Variants in NFIX observed in about 807,000 individuals in gnomAD.
The protein encoded by NFIX is nuclear factor I X, also known as nuclear factor 1 X-type.
NFIX carries 2 observed loss-of-function variants against 53.3 expected under a neutral mutation model. The ratio of observed to expected loss-of-function variants is 0.04; its 90% CI spans 0.02 to 0.12. The LOEUF (loss-of-function observed/expected upper bound fraction) is 0.12. Ranked by LOEUF, NFIX falls within the 10% of genes least tolerant of loss-of-function variation. The pLI is 1.00. For synonymous variants in NFIX, 244 were observed against 289.0 expected (o/e 0.84, Z 1.58); for missense variants, 310 against 674.5 (o/e 0.46, Z 5.99).
At chr19:13,063,335 G>A (rs2016205107) in intron 2 of NFIX, among the ~76,000 whole-genome samples, 1 of 152,060 alleles carries the variant, frequency 6.6e-6, no homozygotes, top group African/African-American at 2.4e-5. Context: ...TTCAGGGGTG[G>A]GTGAGTAGGG....
intron 10 of NFIX, among the ~76,000 whole-genome samples, chr19:13,092,097 G>C (rs913744460): frequency 6.6e-6 from 1 of 152,142 alleles, no homozygotes; most frequent in Non-Finnish European, 1.5e-5. Context: ...GGGCCTGGGG[G>C]CAGGCAGGCG....
At chr19:12,995,910 G>T in intron 1 of NFIX, 46 bp downstream of exon 1, 2 of 939,030 alleles carry the variant, frequency 2.1e-6, no homozygotes, top group Non-Finnish European at 2.5e-6. Context: ...GAGCGGGCGC[G>T]GGAGGCCGGC....
At chr19:13,041,321 ACTG>A (rs1445824813) in intron 2 of NFIX, among the ~76,000 whole-genome samples, 1 of 152,226 alleles carries the variant, frequency 6.6e-6, no homozygotes, top group Non-Finnish European at 1.5e-5. Flanking sequence ...TTATAAGACT[ACTG>A]TACATTCATA....
chr19:12,999,739 G>C (rs1428895694), intron 1 of NFIX, among the ~76,000 whole-genome samples: 5 of 152,226 alleles, frequency 3.3e-5, no homozygotes, highest in African/African-American at 1.2e-4. Flanking sequence ...CATGGGAGGG[G>C]GATGGCTGGG....
In NFIX at chr19:13,073,759, C is replaced by T; in HGVS notation, c.698-147C>T. 2 of 1,110,414 alleles carry T rather than the reference C, an allele frequency of 1.8e-6. No individual in the cohort carries two copies. Among genetic ancestry groups the T allele is most frequent in the Non-Finnish European group, 2.6e-6 (2 of 771,826 alleles). The allele number at this position is 1,110,414 out of a possible 1,614,324, so 68.8% of individuals were successfully genotyped here. A position where few individuals can be genotyped will look rare whatever the true frequency, so the allele number is the denominator to read the frequency against. On this transcript the variant is annotated intron_variant, in intron 4 of 10. Transcript: ENST00000592199. This position sits in a 1 kb window ranked among gnomAD's most constrained non-coding sequence, Gnocchi z 4.5. Reference sequence around the variant, plus strand: ...ACCCACTAGCTGGGAGGAGGTTCCTCAGCAGCCCAGATGGCCCACTTTCTC... The same window carrying T: ...ACCCACTAGCTGGGAGGAGGTTCCTTAGCAGCCCAGATGGCCCACTTTCTC...
chr19:13,046,807 G>C (rs1839096795), intron 2 of NFIX, among the ~76,000 whole-genome samples: 1 of 152,210 alleles, frequency 6.6e-6, no homozygotes, highest in Non-Finnish European at 1.5e-5. Context: ...AGGGAGGAGA[G>C]AGAAGAGGGA....
chr19:13,074,798 G>A (rs1237076031), intron 5 of NFIX, among the ~76,000 whole-genome samples: 1 of 151,570 alleles, frequency 6.6e-6, no homozygotes, highest in Admixed American at 6.6e-5. Context: ...GGCCAGGCTC[G>A]GTGGCTCACG....
chr19:13,074,414 G>A (rs1359680613), intron 5 of NFIX, among the ~76,000 whole-genome samples: 1 of 152,186 alleles, frequency 6.6e-6, no homozygotes, highest in Non-Finnish European at 1.5e-5. Context: ...GGCTGGCGGG[G>A]CACCCTGCAG....
At position 12,996,597 on chromosome 19, in the gene NFIX, C is replaced by A. The variant is rs903897246; in HGVS notation, c.27+733C>A. Among the ~76,000 whole-genome samples, 3 of 152,184 alleles carry A rather than the reference C, an allele frequency of 2.0e-5. No individual in the cohort carries two copies. The highest frequency in any genetic ancestry group is 7.2e-5 in the African/African-American group (3 of 41,460). ...CCCCGGACGTCGCAGCCTCTGCCCC[C>A]CCACCCCCAAACTTTCCTCGGCGCA... On this transcript the variant is annotated intron_variant, in intron 1 of 10. Coordinates refer to ENST00000592199, the MANE Select transcript of NFIX (RefSeq NM_001365902.3). The surrounding 1 kb of genome is among the most constrained non-coding windows in gnomAD (Gnocchi z 5.2).
At position 13,098,442 on chromosome 19, in the gene NFIX, C is replaced by T. The variant is rs1333141190; in HGVS notation, c.*3793C>T. 2 of 152,204 alleles carry T rather than the reference C, an allele frequency of 1.3e-5. No individual in the cohort carries two copies. The highest frequency in any genetic ancestry group is 2.9e-5 in the Non-Finnish European group (2 of 68,060). The allele number at this position is 152,204 out of a possible 1,614,324, so 9.4% of individuals were successfully genotyped here. On this transcript the variant is annotated 3_prime_UTR_variant, in exon 11 of 11. Coordinates refer to ENST00000592199, the MANE Select transcript of NFIX (RefSeq NM_001365902.3). ...CTTAGGCTAAGAAACGCAGTATATA[C>T]GAGTATCTCTATATATAGTACTAAT...
intron 1 of NFIX, among the ~76,000 whole-genome samples, chr19:13,003,974 T>C (rs187609585): frequency 2.6e-5 from 4 of 152,088 alleles, no homozygotes; most frequent in Non-Finnish European, 4.4e-5. Flanking sequence ...GAAGTCTGGC[T>C]TTGTTGCCCA....
chr19:13,017,754 G>T (rs1359176492), intron 1 of NFIX, among the ~76,000 whole-genome samples: 1 of 152,228 alleles, frequency 6.6e-6, no homozygotes, highest in Non-Finnish European at 1.5e-5. Context: ...AGTGTGCTGG[G>T]CACAGACCTC....
intron 2 of NFIX, among the ~76,000 whole-genome samples, chr19:13,030,850 C>T (rs1023854787): frequency 1.3e-5 from 2 of 152,186 alleles, no homozygotes; most frequent in African/African-American, 4.8e-5. Flanking sequence ...ATGTGGGGCT[C>T]CTTGTTCAAA....
At position 13,075,627 on chromosome 19, in the gene NFIX, C is replaced by T; in HGVS notation, c.911C>T (p.Ala304Val). 6.2e-7 allele frequency: 1 copy of T among 1,613,572 alleles called. No individual in the cohort carries two copies. ...FYPGTGRSPA[A>V]GSSQSSGWPN... ...CCCGGGACAGGCCGTTCCCCAGCAGCTGGCAGCAGCCAGTCCAGCGGGTGG... is the reference window on the plus strand; with the variant it reads ...CCCGGGACAGGCCGTTCCCCAGCAGTTGGCAGCAGCCAGTCCAGCGGGTGG... The change falls in exon 6 of 11, where the codon GCT becomes GTT. Residue 304 changes from alanine to valine, a missense_variant. By Grantham distance (64) the Ala-to-Val change is moderately conservative (BLOSUM62 0). Coordinates refer to ENST00000592199, the MANE Select transcript of NFIX (RefSeq NM_001365902.3).
At chr19:13,044,527 A>C (rs2014857844) in intron 2 of NFIX, among the ~76,000 whole-genome samples, 1 of 152,108 alleles carries the variant, frequency 6.6e-6, no homozygotes, top group African/African-American at 2.4e-5. Context: ...ATGAGGTTCA[A>C]GTTCTTGTTA....
At position 13,093,578 on chromosome 19, in the gene NFIX, G is replaced by T. The variant is rs2018266753; in HGVS notation, c.1495-1057G>T. On this transcript the variant is annotated intron_variant, in intron 10 of 10. Transcript: ENST00000592199. The surrounding 1 kb of genome is among the most constrained non-coding windows in gnomAD (Gnocchi z 4.7). Reference sequence around the variant, plus strand: ...GGCTCTGTTGCCCGAGGGCTGTGTGGCCTCAGGCAGGTCACGTACCCCCTC... The same window carrying T: ...GGCTCTGTTGCCCGAGGGCTGTGTGTCCTCAGGCAGGTCACGTACCCCCTC... Among the ~76,000 whole-genome samples, 1 of 152,232 alleles carries T rather than the reference G, an allele frequency of 6.6e-6. No homozygotes were observed. The highest frequency in any genetic ancestry group is 1.5e-5 in the Non-Finnish European group (1 of 68,050).
chr19:13,056,548 C>G (rs1195016790), intron 2 of NFIX, among the ~76,000 whole-genome samples: 1 of 152,120 alleles, frequency 6.6e-6, no homozygotes, highest in Non-Finnish European at 1.5e-5. Flanking sequence ...GGAGTCCCGC[C>G]TTCTAGGATG....
At position 13,089,763 on chromosome 19, in the gene NFIX, T is replaced by C. The variant is rs190472845; in HGVS notation, c.1403-536T>C. ...GTAGCATCTAGCTAGGCCACCCAGG[T>C]TGGAGAGGTAGCCTGGCTGGGAAGG... On this transcript the variant is annotated intron_variant, in intron 9 of 10. Transcript: ENST00000592199. The surrounding 1 kb of genome is among the most constrained non-coding windows in gnomAD (Gnocchi z 4.8). 9.1e-3 allele frequency among the ~76,000 whole-genome samples: 1,378 copies of C among 152,194 alleles called. 12 individuals carry two copies. Among genetic ancestry groups the C allele is most frequent in the Non-Finnish European group, 0.013 (851 of 67,964 alleles).
rs1405410262 is a variant in NFIX at position 13,025,473 on chromosome 19, C to T, written c.480C>T (p.Gly160=). The T allele has an allele frequency of 1.2e-6, 2 of 1,613,950 alleles. No individual in the cohort carries two copies. Among genetic ancestry groups the T allele is most frequent in the East Asian group, 2.2e-5 (1 of 44,900 alleles). ...LYKSPQCSNP[G]LCVQPHHIGV... is the part of the protein sequence containing the mutation. Reference sequence around the variant, plus strand: ...AGTCGCCTCAGTGCTCGAACCCCGGCCTGTGCGTCCAGCCACATCACATTG... The same window carrying T: ...AGTCGCCTCAGTGCTCGAACCCCGGTCTGTGCGTCCAGCCACATCACATTG... The change falls in exon 2 of 11, where the codon GGC becomes GGT. Residue 160 remains glycine (G), a synonymous_variant. Transcript: ENST00000592199. The surrounding 1 kb of genome is among the most constrained non-coding windows in gnomAD (Gnocchi z 7.5).
Sources: allele counts gnomAD v4.1 joint callset (sites outside exome capture counted in the v4.1 genomes callset), GRCh38; gene constraint gnomAD v4.1.1; non-coding constraint Gnocchi (gnomAD v3.1); transcripts MANE v1.5; gene names NCBI Gene and HGNC (gene_info 2026-07-23, HGNC 2026-07-21).